CCDC73: variants seen among roughly 807,000 people sequenced by gnomAD.
CCDC73 encodes coiled-coil domain-containing protein 73.
Under a neutral mutation model 116.5 loss-of-function variants are expected in CCDC73, and 95 were observed. That is an observed-to-expected ratio of 0.82 (90% CI 0.69 to 0.97). The LOEUF is 0.97. CCDC73 is among the 50% of genes least tolerant of loss of function. The pLI, the probability that CCDC73 is intolerant of heterozygous loss-of-function variation, is 0.00. For missense variants in CCDC73, 1,066 were observed against 1,206.8 expected, an observed-to-expected ratio of 0.88 and a Z score of 1.73; for synonymous variants, 398 against 401.3, an observed-to-expected ratio of 0.99 and a Z score of 0.10.
At chr11:32,765,621 A>G (rs1486390282) in intron 1 of CCDC73, among the ~76,000 whole-genome samples, 9 of 152,162 alleles carry the variant, frequency 5.9e-5, no homozygotes, top group African/African-American at 9.7e-5. Flanking sequence ...GCAGTGTGTA[A>G]AGGGAAATTT....
At chr11:32,737,231 CTGTGTGTGTGTGTGTGTGTGTG>C (rs200606807) in intron 2 of CCDC73, among the ~76,000 whole-genome samples, 3 of 137,564 alleles carry the variant, frequency 2.2e-5, no homozygotes, top group South Asian at 5.0e-4. Context: ...CATAGTAGGG[CTGTGTGTGTGTGTGTGTGTGTG>C]TGTGTGTGTG....
intron 2 of CCDC73, among the ~76,000 whole-genome samples, chr11:32,742,963 G>C (rs188417348): frequency 2.0e-5 from 3 of 152,006 alleles, no homozygotes; most frequent in Non-Finnish European, 4.4e-5. Context: ...ATCAGATGGT[G>C]GTAGATGTGT....
intron 16 of CCDC73, among the ~76,000 whole-genome samples, chr11:32,612,610 G>A (rs568436521): frequency 6.6e-6 from 1 of 152,002 alleles, no homozygotes; most frequent in Admixed American, 6.6e-5. Context: ...GCAGTGACAT[G>A]TCTGTACTCC....
chr11:32,830,145 G>A, the CCDC73 span: 8 of 1,008,726 alleles, frequency 7.9e-6, no homozygotes, highest in South Asian at 4.6e-5. Context: ...TGGCCCGGGG[G>A]CTGCTGGAAC....
intron 12 of CCDC73, among the ~76,000 whole-genome samples, chr11:32,648,576 A>C (rs952657715): frequency 6.8e-6 from 1 of 145,994 alleles, no homozygotes; most frequent in Non-Finnish European, 1.5e-5. Flanking sequence ...TTTGAGACGG[A>C]GTTTCACTCT....
chr11:32,797,415 T>C (rs573006325), upstream of CCDC73, among the ~76,000 whole-genome samples: 1 of 152,264 alleles, frequency 6.6e-6, no homozygotes, highest in East Asian at 1.9e-4. Context: ...TCTTTGTACA[T>C]GCTGCTTCCT....
chr11:32,620,610 CAAAAAAAAAAAA>C (rs57643752), intron 14 of CCDC73, among the ~76,000 whole-genome samples: 2 of 61,340 alleles, frequency 3.3e-5, no homozygotes, highest in Non-Finnish European at 5.5e-5. Flanking sequence ...GACTCAGTCT[CAAAAAAAAAAAA>C]AAAAAAAAAA....
intron 9 of CCDC73, among the ~76,000 whole-genome samples, chr11:32,673,887 T>TA (rs2133285488): frequency 6.6e-6 from 1 of 152,328 alleles, no homozygotes; most frequent in Non-Finnish European, 1.5e-5. Context: ...GAAGAGAGGT[T>TA]ACTGGAACCC....
At chr11:32,759,955 T>C (rs1850376992) in intron 2 of CCDC73, among the ~76,000 whole-genome samples, 154 bp downstream of exon 2, 1 of 152,234 alleles carries the variant, frequency 6.6e-6, no homozygotes, top group Admixed American at 6.5e-5. Context: ...ATCATTTACT[T>C]AATCTGTCCT....
chr11:32,791,985 C>T (rs997763218), intron 1 of CCDC73, among the ~76,000 whole-genome samples: 1 of 99,028 alleles, frequency 1.0e-5, no homozygotes, highest in African/African-American at 3.4e-5. Context: ...ACCACACACA[C>T]ACACATACAC....
intron 1 of CCDC73, among the ~76,000 whole-genome samples, chr11:32,784,961 G>A (rs959495683): frequency 1.3e-5 from 2 of 152,142 alleles, no homozygotes; most frequent in Non-Finnish European, 2.9e-5. Flanking sequence ...ATCATTTGAG[G>A]TCAGGAGTTC....
At chr11:32,617,214 T>C (rs548997643) in intron 14 of CCDC73, among the ~76,000 whole-genome samples, 4 of 152,064 alleles carry the variant, frequency 2.6e-5, no homozygotes, top group Non-Finnish European at 4.4e-5. Flanking sequence ...AGGAAGACAC[T>C]GAGAAGTCAC....
chr11:32,696,145 TTCTTGCTACA>T (rs1197869100), intron 6 of CCDC73, among the ~76,000 whole-genome samples: 4 of 152,190 alleles, frequency 2.6e-5, no homozygotes, highest in Non-Finnish European at 5.9e-5. Context: ...CAACCTCAAC[TTCTTGCTACA>T]TCATTATTTT....
chr11:32,767,521 A>C (rs1850453660), intron 1 of CCDC73, among the ~76,000 whole-genome samples: 1 of 152,234 alleles, frequency 6.6e-6, no homozygotes, highest in Non-Finnish European at 1.5e-5. Context: ...AACTACCATC[A>C]GAGTGAACAG....
chr11:32,673,326 C>CAGG (rs1245893353), intron 9 of CCDC73, among the ~76,000 whole-genome samples: 1 of 152,130 alleles, frequency 6.6e-6, no homozygotes, highest in Non-Finnish European at 1.5e-5. Flanking sequence ...AGGAAGTATA[C>CAGG]AGGAACTCTG....
At chr11:32,693,348 G>A (rs1417010147) in intron 6 of CCDC73, among the ~76,000 whole-genome samples, 1 of 152,140 alleles carries the variant, frequency 6.6e-6, no homozygotes, top group Non-Finnish European at 1.5e-5. Context: ...TCAACTTGGG[G>A]GGTTGGGAGA....
At chr11:32,820,662 T>C in the CCDC73 span, among the ~76,000 whole-genome samples, 120 of 152,340 alleles carry the variant, frequency 7.9e-4, no homozygotes, top group Middle Eastern at 3.4e-3. Context: ...AGTGCATTAC[T>C]ATTGCCTTCT....
At chr11:32,678,898 A>T (rs1298752283) in intron 7 of CCDC73, among the ~76,000 whole-genome samples, 1 of 114,770 alleles carries the variant, frequency 8.7e-6, no homozygotes, top group East Asian at 2.6e-4. Context: ...AAAAAAAAAA[A>T]TATATATATA....
chr11:32,631,973 T>C (rs1349472968), intron 14 of CCDC73, among the ~76,000 whole-genome samples: 1 of 152,196 alleles, frequency 6.6e-6, no homozygotes, highest in Non-Finnish European at 1.5e-5. Context: ...CTCTGACCCA[T>C]GGATATGGGT....
Sources: allele counts gnomAD v4.1 joint callset (sites outside exome capture counted in the v4.1 genomes callset), GRCh38; gene constraint gnomAD v4.1.1; transcripts MANE v1.5; gene names NCBI Gene and HGNC (gene_info 2026-07-23, HGNC 2026-07-21).